Variants in LARGE1 observed in about 807,000 individuals in gnomAD.
The protein encoded by LARGE1 is xylosyl- and glucuronyltransferase LARGE1.
Under a neutral mutation model 87.6 loss-of-function variants are expected in LARGE1, and 43 were observed. That is an observed-to-expected ratio of 0.49 (90% CI 0.38 to 0.63). The LOEUF (loss-of-function observed/expected upper bound fraction) is 0.63, where lower values mean the gene tolerates loss of function less well. LARGE1 is among the 30% of genes least tolerant of loss of function. LARGE1 has a pLI of 0.00. For synonymous variants in LARGE1, 434 were observed against 394.6 expected (o/e 1.10, Z -1.18); for missense variants, 802 against 1,000.2 (o/e 0.80, Z 2.67).
At chr22:33,781,469 C>T (rs1340077322) in intron 1 of LARGE1, among the ~76,000 whole-genome samples, 3 of 152,128 alleles carry the variant, frequency 2.0e-5, no homozygotes, top group African/African-American at 4.8e-5. Context: ...CCACTGCATT[C>T]CAGCCTGGGC....
the LARGE1 span, among the ~76,000 whole-genome samples, chr22:33,104,629 A>G: frequency 1.3e-5 from 2 of 152,230 alleles, no homozygotes; most frequent in Non-Finnish European, 2.9e-5. Flanking sequence ...GGAGGCTGCC[A>G]CTGATCCCAT....
chr22:33,838,173 G>A (rs896402643), intron 1 of LARGE1, among the ~76,000 whole-genome samples: 1 of 152,158 alleles, frequency 6.6e-6, no homozygotes, highest in Non-Finnish European at 1.5e-5. Context: ...GCTAAAGGAA[G>A]ACAGACTGGC....
intron 6 of LARGE1, among the ~76,000 whole-genome samples, chr22:33,512,667 G>T (rs1260098892): frequency 6.6e-6 from 1 of 152,136 alleles, no homozygotes. Flanking sequence ...GCCGGGAGTG[G>T]TGGCAGGCGC....
rs190545300 is a variant in LARGE1, at chr22:33,193,647, A to G, written c.1731-26815T>C. ...AGCCTGGGCAACATAGTGAAACCCC[A>G]TCTCTACTAAAAATATAAAAATCAG... is the stretch of plus-strand genomic sequence containing the variant. On this transcript the variant is annotated intron_variant, in intron 11 of 11. Transcript: ENST00000608642. Among the ~76,000 whole-genome samples the G allele has an allele frequency of 5.5e-3, 838 of 152,034 alleles. 5 individuals carry two copies. The highest frequency in any genetic ancestry group is 0.019 in the African/African-American group (793 of 41,498).
intron 7 of LARGE1, among the ~76,000 whole-genome samples, chr22:33,431,713 C>A (rs1412221423): frequency 6.6e-6 from 1 of 152,178 alleles, no homozygotes; most frequent in African/African-American, 2.4e-5. Context: ...TGGAAGTATG[C>A]ATGGAGATGA....
At chr22:33,274,735 C>T in intron 14 of LARGE1, 111 bp from the exon 15 acceptor site, 2 of 940,328 alleles carry the variant, frequency 2.1e-6, no homozygotes, top group Non-Finnish European at 3.4e-6. Flanking sequence ...GATAATGGCA[C>T]CCACAAGCAG....
At chr22:33,412,279 C>T (rs1378855963) in intron 7 of LARGE1, among the ~76,000 whole-genome samples, 1 of 149,904 alleles carries the variant, frequency 6.7e-6, no homozygotes, top group Non-Finnish European at 1.5e-5. Context: ...AGTGAGACTC[C>T]ATCTCAAAGT....
At chr22:33,814,921 G>T (rs750995435) in intron 1 of LARGE1, among the ~76,000 whole-genome samples, 3 of 152,164 alleles carry the variant, frequency 2.0e-5, no homozygotes, top group Non-Finnish European at 4.4e-5. Context: ...TGCCTGCAGC[G>T]AAACAACATG....
At chr22:33,271,956 A>G (rs1928276453), downstream of LARGE1, among the ~76,000 whole-genome samples, 1 of 152,224 alleles carries the variant, frequency 6.6e-6, no homozygotes, top group South Asian at 2.1e-4. Context: ...AAGGTACATC[A>G]TCTTCTAGTT....
intron 2 of LARGE1, among the ~76,000 whole-genome samples, chr22:33,668,972 G>C (rs1042498048): frequency 6.6e-6 from 1 of 152,198 alleles, no homozygotes; most frequent in Non-Finnish European, 1.5e-5. Flanking sequence ...CCCTTCAGCA[G>C]ACCTCTGTCC....
intron 1 of LARGE1, among the ~76,000 whole-genome samples, chr22:33,767,961 G>A (rs75109681): frequency 0.014 from 2,195 of 152,332 alleles, 48 homozygotes; most frequent in African/African-American, 0.051. Flanking sequence ...CTTACAAGGT[G>A]CTGTCCCAGC....
chr22:33,889,816 C>T (rs2064957702), intron 1 of LARGE1, among the ~76,000 whole-genome samples: 2 of 152,194 alleles, frequency 1.3e-5, no homozygotes, highest in Admixed American at 6.5e-5. Flanking sequence ...TCATAACTTT[C>T]TGAGTGTTCA....
At chr22:33,333,687 A>G (rs755297374) in intron 10 of LARGE1, among the ~76,000 whole-genome samples, 1 of 152,208 alleles carries the variant, frequency 6.6e-6, no homozygotes, top group Non-Finnish European at 1.5e-5. Context: ...GTTCTATCCT[A>G]TGTTAGGACG....
intron 6 of LARGE1, among the ~76,000 whole-genome samples, chr22:33,470,837 A>G (rs753254519): frequency 2.4e-4 from 37 of 152,072 alleles, no homozygotes; most frequent in Admixed American, 9.2e-4. Context: ...TAGAAACACC[A>G]TGCATGAATC....
At chr22:33,292,963 T>C (rs1356283238) in intron 12 of LARGE1, among the ~76,000 whole-genome samples, 1 of 152,236 alleles carries the variant, frequency 6.6e-6, no homozygotes, top group African/African-American at 2.4e-5. Context: ...TGAATATTAA[T>C]GAAGCCAACA....
intron 2 of LARGE1, among the ~76,000 whole-genome samples, chr22:33,760,295 C>G (rs1013986900): frequency 1.3e-5 from 2 of 152,160 alleles, no homozygotes; most frequent in Non-Finnish European, 2.9e-5. Context: ...GTATTTGAAA[C>G]GGCTGGCTAG....
intron 6 of LARGE1, among the ~76,000 whole-genome samples, chr22:33,501,250 A>G (rs2070420074): frequency 6.6e-6 from 1 of 152,206 alleles, no homozygotes; most frequent in African/African-American, 2.4e-5. Flanking sequence ...AAAGTTTATT[A>G]TGTATACTTC....
At chr22:33,366,929 TA>T (rs1180015830) in intron 9 of LARGE1, among the ~76,000 whole-genome samples, 1 of 152,094 alleles carries the variant, frequency 6.6e-6, no homozygotes, top group Non-Finnish European at 1.5e-5. Flanking sequence ...GTCCTTGGAT[TA>T]AAAAAAATTG....
chr22:33,687,898 G>A (rs56774425), intron 2 of LARGE1, among the ~76,000 whole-genome samples: 1 of 152,022 alleles, frequency 6.6e-6, no homozygotes, highest in Non-Finnish European at 1.5e-5. Context: ...TCTCTTGATG[G>A]TAAACATAAT....
Sources: allele counts gnomAD v4.1 joint callset (sites outside exome capture counted in the v4.1 genomes callset), GRCh38; gene constraint gnomAD v4.1.1; transcripts MANE v1.5; gene names NCBI Gene and HGNC (gene_info 2026-07-23, HGNC 2026-07-21).